Variants in GHR observed in about 807,000 individuals in gnomAD.
The protein encoded by GHR is GH receptor.
A neutral mutation model predicts 67.1 loss-of-function variants in GHR; 35 were observed. That is an observed-to-expected ratio of 0.52 (90% CI 0.40 to 0.69). The LOEUF is 0.69. Among genes scored for constraint, GHR ranks in the 30% least tolerant of loss-of-function variants. The pLI is 0.00. For missense variants in GHR, 792 were observed against 764.6 expected, an observed-to-expected ratio of 1.04 and a Z score of -0.42; for synonymous variants, 272 against 269.1, an observed-to-expected ratio of 1.01 and a Z score of -0.10.
chr5:42,579,191 G>T (rs566577830), intron 2 of GHR, among the ~76,000 whole-genome samples: 2 of 151,374 alleles, frequency 1.3e-5, no homozygotes, highest in South Asian at 4.2e-4. Context: ...TAGATAGATA[G>T]ATAGATAGAC....
intron 1 of GHR, among the ~76,000 whole-genome samples, chr5:42,554,676 T>G (rs1328664926): frequency 6.6e-6 from 1 of 152,054 alleles, no homozygotes; most frequent in African/African-American, 2.4e-5. Context: ...TATTAAACAC[T>G]TGAAATGGAA....
chr5:42,497,836 A>T (rs546965553), intron 1 of GHR, among the ~76,000 whole-genome samples: 7 of 152,282 alleles, frequency 4.6e-5, no homozygotes, highest in Non-Finnish European at 8.8e-5. Context: ...TCACCTGTTT[A>T]CAGGTGATTT....
chr5:42,465,802 A>G, intron 1 of GHR: 1 of 785,424 alleles, frequency 1.3e-6, no homozygotes, highest in South Asian at 1.3e-5. Context: ...TGCCCTCTCG[A>G]CCTCTTCCAA....
chr5:42,529,532 A>G (rs1747863934), intron 1 of GHR, among the ~76,000 whole-genome samples: 1 of 152,202 alleles, frequency 6.6e-6, no homozygotes, highest in Non-Finnish European at 1.5e-5. Flanking sequence ...TTGACCATAT[A>G]CCATTGTTCT....
chr5:42,691,949 G>A (rs1757441700), intron 4 of GHR, among the ~76,000 whole-genome samples: 1 of 152,198 alleles, frequency 6.6e-6, no homozygotes, highest in Non-Finnish European at 1.5e-5. Flanking sequence ...TCTGCTCTCA[G>A]CTCCTTGCAT....
intron 2 of GHR, among the ~76,000 whole-genome samples, chr5:42,609,470 T>A (rs1752783598): frequency 6.6e-6 from 1 of 152,198 alleles, no homozygotes; most frequent in Admixed American, 6.5e-5. Flanking sequence ...ATATAGCTTT[T>A]CTACTCAAAT....
chr5:42,546,956 A>G (rs912425428), intron 1 of GHR, among the ~76,000 whole-genome samples: 7 of 152,218 alleles, frequency 4.6e-5, no homozygotes, highest in African/African-American at 1.4e-4. Context: ...TCTGATTTAT[A>G]CTGCAAATTC....
At position 42,438,017 on chromosome 5, in the gene GHR, G is replaced by A. The variant is rs564349142; in HGVS notation, c.-12+14062G>A. Among the ~76,000 whole-genome samples the A allele has an allele frequency of 1.3e-3, 198 of 152,140 alleles. 1 individual carries two copies. In the Middle Eastern group the frequency reaches 0.017, roughly 13 times the overall value. On this transcript the variant is annotated intron_variant, in intron 1 of 9. Coordinates refer to ENST00000230882, the MANE Select transcript of GHR (RefSeq NM_000163.5). ...ATTAGCTTTTTGGTTTCTAAATTCA[G>A]GCTCACTTTAGTAACTGCTAGATTA... is the stretch of plus-strand genomic sequence containing the variant.
At chr5:42,605,904 T>C (rs1328751994) in intron 2 of GHR, among the ~76,000 whole-genome samples, 1 of 152,224 alleles carries the variant, frequency 6.6e-6, no homozygotes, top group Non-Finnish European at 1.5e-5. Flanking sequence ...CAGAATATTA[T>C]GTATGCAGTC....
chr5:42,479,545 T>C (rs1436900641), intron 1 of GHR, among the ~76,000 whole-genome samples: 3 of 152,234 alleles, frequency 2.0e-5, no homozygotes, highest in Admixed American at 6.5e-5. Context: ...AGCTATTCAT[T>C]ATTGCCTCAA....
chr5:42,602,034 A>G (rs1482044626), intron 2 of GHR, among the ~76,000 whole-genome samples: 1 of 152,050 alleles, frequency 6.6e-6, no homozygotes, highest in Non-Finnish European at 1.5e-5. Context: ...TATCTACTAA[A>G]CTGTATTTTT....
intron 1 of GHR, among the ~76,000 whole-genome samples, chr5:42,490,298 T>C (rs866851682): frequency 6.6e-6 from 1 of 152,248 alleles, no homozygotes; most frequent in Non-Finnish European, 1.5e-5. Flanking sequence ...ATTTTGTGCA[T>C]AGAGAGATTG....
intron 1 of GHR, among the ~76,000 whole-genome samples, chr5:42,556,681 A>G (rs1749326934): frequency 6.6e-6 from 1 of 152,226 alleles, no homozygotes; most frequent in Admixed American, 6.6e-5. Context: ...TTCATGTAAC[A>G]ATCACATCTG....
intron 1 of GHR, among the ~76,000 whole-genome samples, chr5:42,531,166 A>T (rs1413781106): frequency 1.3e-5 from 2 of 151,942 alleles, no homozygotes; most frequent in African/African-American, 4.8e-5. Context: ...TACTCAGAGG[A>T]TGAGGCAGGA....
At chr5:42,434,183 C>T in intron 1 of GHR, among the ~76,000 whole-genome samples, 1 of 152,132 alleles carries the variant, frequency 6.6e-6, no homozygotes, top group Middle Eastern at 3.2e-3. Flanking sequence ...ACCTCCTCTG[C>T]TCCTGCTCTC....
At chr5:42,513,609 C>T (rs1181312431) in intron 1 of GHR, among the ~76,000 whole-genome samples, 1 of 152,136 alleles carries the variant, frequency 6.6e-6, no homozygotes. Flanking sequence ...ATGGAGAAAC[C>T]TTGTCGCTAC....
chr5:42,543,648 G>T (rs764963600), intron 1 of GHR, among the ~76,000 whole-genome samples: 4 of 152,090 alleles, frequency 2.6e-5, no homozygotes, highest in Non-Finnish European at 5.9e-5. Flanking sequence ...CACTTTTAAA[G>T]ATTTTTCTGT....
At chr5:42,586,419 G>T (rs1751478169) in intron 2 of GHR, among the ~76,000 whole-genome samples, 1 of 152,194 alleles carries the variant, frequency 6.6e-6, no homozygotes, top group Non-Finnish European at 1.5e-5. Context: ...CAATAAATGG[G>T]TTTTAACTTT....
intron 6 of GHR, among the ~76,000 whole-genome samples, chr5:42,708,255 T>A (rs941643549): frequency 6.6e-6 from 1 of 152,186 alleles, no homozygotes; most frequent in African/African-American, 2.4e-5. Context: ...ATTTTCCTCA[T>A]TATTTATCTG....
Sources: gnomAD v4.1 joint callset for allele counts (sites outside exome capture counted in the v4.1 genomes callset) on GRCh38, gnomAD v4.1.1 for gene constraint, MANE v1.5 for transcripts, NCBI Gene and HGNC (gene_info 2026-07-23, HGNC 2026-07-21) for gene names.